WWP2: variants seen among roughly 807,000 people sequenced by gnomAD.
WWP2 encodes the protein WW domain containing E3 ubiquitin protein ligase 2.
In WWP2, 57 loss-of-function variants were observed where a neutral mutation model predicts 121.0. The observed-to-expected ratio is 0.47, with a 90% confidence interval of 0.38 to 0.59. The LOEUF is 0.59. Ranked by LOEUF, WWP2 falls within the 20% of genes least tolerant of loss-of-function variation. WWP2 has a pLI of 0.00. For missense variants in WWP2, 962 were observed against 1,158.9 expected (o/e 0.83, Z 2.47); for synonymous variants, 449 against 441.3 (o/e 1.02, Z -0.22).
At chr16:69,936,530 A>C (rs1255498267) in intron 19 of WWP2, 78 bp downstream of exon 19, 6 of 1,577,180 alleles carry the variant, frequency 3.8e-6, no homozygotes, top group Non-Finnish European at 4.3e-6. Context: ...ATGGGCCCCC[A>C]CCTGTGGCCC....
At chr16:69,914,200 A>C (rs1428916507) in intron 9 of WWP2, among the ~76,000 whole-genome samples, 1 of 152,152 alleles carries the variant, frequency 6.6e-6, no homozygotes, top group Non-Finnish European at 1.5e-5. Flanking sequence ...AATAGCAGGA[A>C]AGAACAGAGA....
intron 6 of WWP2, among the ~76,000 whole-genome samples, chr16:69,863,799 T>A (rs892167041): frequency 2.0e-5 from 3 of 152,230 alleles, no homozygotes; most frequent in Non-Finnish European, 4.4e-5. Context: ...TTCTTGAATA[T>A]CTTAAAAATG....
chr16:69,905,373 G>A (rs1414849033), intron 8 of WWP2, among the ~76,000 whole-genome samples: 2 of 152,150 alleles, frequency 1.3e-5, no homozygotes, highest in Non-Finnish European at 2.9e-5. Flanking sequence ...CTTCTTCCAG[G>A]AGATCAGATC....
intron 10 of WWP2, among the ~76,000 whole-genome samples, chr16:69,922,197 A>T (rs1328159010): frequency 6.6e-6 from 1 of 151,204 alleles, no homozygotes; most frequent in Non-Finnish European, 1.5e-5. Flanking sequence ...AGCCCCTTGC[A>T]TTGAATTCTC....
rs559012728 is a variant in WWP2, at chr16:69,838,059, A to T, written c.341-2067A>T. ...GCAACATAGTGAACCATGTCTCTATAAAAAAAAAATTAAAAAGCAAAACAA... is the reference window on the plus strand; with the variant it reads ...GCAACATAGTGAACCATGTCTCTATTAAAAAAAAATTAAAAAGCAAAACAA... On this transcript the variant is annotated intron_variant, in intron 4 of 23. Coordinates refer to ENST00000359154, the MANE Select transcript of WWP2 (RefSeq NM_001270454.2). Among the ~76,000 whole-genome samples the T allele has an allele frequency of 5.3e-5, 8 of 150,202 alleles. 1 individual carries two copies. The highest frequency in any genetic ancestry group is 1.5e-4 in the African/African-American group (6 of 41,046).
intron 6 of WWP2, among the ~76,000 whole-genome samples, chr16:69,871,430 A>G (rs1427388410): frequency 6.6e-6 from 1 of 152,212 alleles, no homozygotes; most frequent in Non-Finnish European, 1.5e-5. Flanking sequence ...TTCTTGCCTA[A>G]TGGGGGAAAT....
At chr16:69,871,724 A>G in intron 6 of WWP2, 80 bp from the exon 7 acceptor site, 1 of 1,571,800 alleles carries the variant, frequency 6.4e-7, no homozygotes, top group Non-Finnish European at 8.7e-7. Context: ...GGAGAAGGGA[A>G]TATGATGACT....
At chr16:69,894,789 A>G (rs553978601) in intron 8 of WWP2, among the ~76,000 whole-genome samples, 2 of 152,326 alleles carry the variant, frequency 1.3e-5, no homozygotes, top group East Asian at 3.9e-4. Context: ...AACTGTGTGT[A>G]CATGGCTTAG....
chr16:69,789,081 A>C (rs1262788320), intron 2 of WWP2, among the ~76,000 whole-genome samples: 1 of 152,112 alleles, frequency 6.6e-6, no homozygotes, highest in African/African-American at 2.4e-5. Flanking sequence ...ATTTTGCGAC[A>C]GAGTCTCGCT....
intron 4 of WWP2, among the ~76,000 whole-genome samples, chr16:69,818,064 A>G (rs1019445032): frequency 6.6e-6 from 1 of 151,530 alleles, no homozygotes; most frequent in Non-Finnish European, 1.5e-5. Flanking sequence ...GGTGCCACAT[A>G]CCTGTTTCCC....
chr16:69,924,882 G>T (rs1028805410), intron 10 of WWP2: 20 of 978,096 alleles, frequency 2.0e-5, no homozygotes, highest in Non-Finnish European at 2.2e-5. Context: ...TGGGAGGTTG[G>T]GGGGGACGCC....
intron 2 of WWP2, among the ~76,000 whole-genome samples, chr16:69,792,025 G>A (rs1000053707): frequency 6.6e-6 from 1 of 151,888 alleles, no homozygotes; most frequent in African/African-American, 2.4e-5. Flanking sequence ...GGAAAATGGT[G>A]GGGGGAAAGA....
chr16:69,875,924 G>T (rs1479613359), intron 7 of WWP2, among the ~76,000 whole-genome samples: 1 of 151,948 alleles, frequency 6.6e-6, no homozygotes, highest in Non-Finnish European at 1.5e-5. Flanking sequence ...CATCTAGAAT[G>T]GTGAGTCCTT....
intron 8 of WWP2, among the ~76,000 whole-genome samples, chr16:69,902,608 A>G (rs1043411378): frequency 6.6e-6 from 1 of 152,196 alleles, no homozygotes; most frequent in Non-Finnish European, 1.5e-5. Flanking sequence ...CATGTGACCA[A>G]GATGCAGTGT....
At chr16:69,785,375 T>G (rs905903020) in intron 1 of WWP2, among the ~76,000 whole-genome samples, 4 of 152,202 alleles carry the variant, frequency 2.6e-5, no homozygotes, top group Admixed American at 2.6e-4. Flanking sequence ...GCTCAATGGC[T>G]TCCCAATGCT....
intron 4 of WWP2, among the ~76,000 whole-genome samples, chr16:69,811,516 G>A (rs1050904005): frequency 6.6e-6 from 1 of 152,108 alleles, no homozygotes; most frequent in African/African-American, 2.4e-5. Context: ...GGGAGGCTGA[G>A]GTGGGAGGCC....
chr16:69,852,913 T>C (rs1207157286), intron 6 of WWP2, among the ~76,000 whole-genome samples: 1 of 152,212 alleles, frequency 6.6e-6, no homozygotes, highest in African/African-American at 2.4e-5. Context: ...AGAGATCTTA[T>C]GGTCAGCAAA....
chr16:69,802,175 G>T (rs979727567), intron 4 of WWP2, among the ~76,000 whole-genome samples: 1 of 151,966 alleles, frequency 6.6e-6, no homozygotes, highest in African/African-American at 2.4e-5. Context: ...TGATCTGCCC[G>T]CCTCGGCCTC....
At chr16:69,782,661 A>AGT (rs1209530222) in intron 1 of WWP2, among the ~76,000 whole-genome samples, 1 of 152,182 alleles carries the variant, frequency 6.6e-6, no homozygotes. Context: ...AATGCTTATT[A>AGT]CAGACTAGTC....
Sources: gnomAD v4.1 joint callset for allele counts (sites outside exome capture counted in the v4.1 genomes callset) on GRCh38, gnomAD v4.1.1 for gene constraint, MANE v1.5 for transcripts, NCBI Gene and HGNC (gene_info 2026-07-23, HGNC 2026-07-21) for gene names.